Variants in SLC23A2 observed in about 807,000 individuals in gnomAD.
SLC23A2 encodes the protein solute carrier family 23 member 2.
In SLC23A2, 36 loss-of-function variants were observed where a neutral mutation model predicts 73.3. The ratio of observed to expected loss-of-function variants is 0.49; its 90% CI spans 0.38 to 0.65. The LOEUF (loss-of-function observed/expected upper bound fraction) is 0.65, where lower values mean the gene tolerates loss of function less well. Among genes scored for constraint, SLC23A2 ranks in the 30% least tolerant of loss-of-function variants. The pLI is 0.00. For synonymous variants in SLC23A2, 343 were observed against 327.3 expected (o/e 1.05, Z -0.52); for missense variants, 507 against 841.6 (o/e 0.60, Z 4.92).
chr20:4,897,277 C>G (rs887367645), intron 6 of SLC23A2, among the ~76,000 whole-genome samples: 1 of 152,218 alleles, frequency 6.6e-6, no homozygotes. Flanking sequence ...CCCCAGCACA[C>G]CTGCACCTGC....
chr20:4,987,445 C>T (rs2087848456), intron 1 of SLC23A2, among the ~76,000 whole-genome samples: 1 of 152,116 alleles, frequency 6.6e-6, no homozygotes, highest in East Asian at 1.9e-4. Flanking sequence ...ATCTTCAAAT[C>T]AGCAGGGAAA....
intron 12 of SLC23A2, 104 bp downstream of exon 12, chr20:4,869,802 G>A (rs1930366416): frequency 9.8e-7 from 1 of 1,019,078 alleles, no homozygotes; most frequent in Non-Finnish European, 1.5e-6. Context: ...GCTTGGCTGG[G>A]CTCCTGCTGA....
chr20:4,964,899 GAAAAA>G (rs11087663), intron 2 of SLC23A2, among the ~76,000 whole-genome samples: 1 of 137,672 alleles, frequency 7.3e-6, no homozygotes, highest in Non-Finnish European at 1.6e-5. Flanking sequence ...GGGAAAAGAA[GAAAAA>G]AAAAAAGAAA....
In SLC23A2 at chr20:4,920,400, T is replaced by C. The variant is rs116369286; in HGVS notation, c.109-7422A>G. Among the ~76,000 whole-genome samples, 1,507 of 152,254 alleles carry C rather than the reference T, an allele frequency of 9.9e-3. 16 individuals are homozygous for C. Among genetic ancestry groups the C allele is most frequent in the African/African-American group, 0.035 (1,436 of 41,538 alleles). ...CCTCAACAGAGGGCAATTTGGTGAG[T>C]AGCCCCCTCAGCTTACCAAGGCACA... On this transcript the variant is annotated intron_variant, in intron 3 of 16. Transcript: ENST00000338244.
chr20:4,872,004 T>A lies in SLC23A2; in HGVS notation c.1102+1932A>T, dbSNP rs1213658614. On this transcript the variant is annotated intron_variant, in intron 11 of 16. Coordinates refer to ENST00000338244, the MANE Select transcript of SLC23A2 (RefSeq NM_005116.6). The surrounding 1 kb of genome is among the most constrained non-coding windows in gnomAD (Gnocchi z 4.4). ...TATATCTATATATCTATATCTATAT[T>A]TTTTTTTCTTAAAGACCTTGTTGGC... 1.3e-5 allele frequency among the ~76,000 whole-genome samples: 2 copies of A among 152,026 alleles called. No homozygotes were observed. Among genetic ancestry groups the A allele is most frequent in the Non-Finnish European group, 2.9e-5 (2 of 67,982 alleles).
intron 3 of SLC23A2, among the ~76,000 whole-genome samples, chr20:4,922,427 A>G (rs2122918473): frequency 6.6e-6 from 1 of 152,300 alleles, no homozygotes; most frequent in Non-Finnish European, 1.5e-5. Context: ...CTTGTCAACT[A>G]CTTCTGATGC....
chr20:4,868,085 T>A lies in SLC23A2; in HGVS notation c.1251-210A>T, dbSNP rs533355512. On this transcript the variant is annotated intron_variant, in intron 12 of 16. Transcript: ENST00000338244. The surrounding 1 kb of genome is among the most constrained non-coding windows in gnomAD (Gnocchi z 4.4). ...AAAAGAATCTGCATTTTTTTTTTTT[T>A]TTTTTTTTTTTTTAGAGAGTGTCTC... Among the ~76,000 whole-genome samples, 6 of 148,386 alleles carry A rather than the reference T, an allele frequency of 4.0e-5. No individual in the cohort carries two copies. In the East Asian group the frequency reaches 1.2e-3, roughly 29 times the overall value.
chr20:4,983,401 C>T (rs1429475671), intron 1 of SLC23A2, among the ~76,000 whole-genome samples: 1 of 152,122 alleles, frequency 6.6e-6, no homozygotes, highest in Admixed American at 6.5e-5. Context: ...AATCCCAGCA[C>T]TTCGGGAGGC....
chr20:4,932,737 C>CA lies in SLC23A2; in HGVS notation c.-154-22dup, dbSNP rs1419951506. 4.0e-5 allele frequency: 23 copies of CA among 578,446 alleles called. No homozygotes were observed. In the Admixed American group the frequency reaches 5.3e-4, roughly 13 times the overall value. The allele number at this position is 578,446 out of a possible 1,614,324, so 35.8% of individuals were successfully genotyped here. ...AGCACCTAGAAAAGAAGAGCACAGC[C>CA]AAATCACCCCAAAGCATGAAAACAA... On this transcript the variant is annotated intron_variant, in intron 2 of 16. Transcript: ENST00000338244.
At chr20:4,885,595 G>C (rs1886359310) in intron 7 of SLC23A2, among the ~76,000 whole-genome samples, 1 of 152,148 alleles carries the variant, frequency 6.6e-6, no homozygotes, top group South Asian at 2.1e-4. Context: ...GAGAAATGAG[G>C]TCAATTCTGA....
At chr20:4,956,321 C>A (rs2087287116) in intron 2 of SLC23A2, among the ~76,000 whole-genome samples, 1 of 152,156 alleles carries the variant, frequency 6.6e-6, no homozygotes, top group East Asian at 1.9e-4. Flanking sequence ...ATCAGCTAGA[C>A]AAAACCTACT....
rs1930435677 is a variant in SLC23A2 at position 4,871,254 on chromosome 20, C to T, written c.1103-1201G>A. Among the ~76,000 whole-genome samples the T allele has an allele frequency of 3.3e-5, 5 of 152,032 alleles. No individual in the cohort carries two copies. The South Asian group carries it at 6.2e-4, about 19-fold the overall frequency. ...GGGACACAGGACACTCCAAAAGATC[C>T]AGGGAGAGGGAAATTGCTCAACTTC... On this transcript the variant is annotated intron_variant, in intron 11 of 16. Transcript: ENST00000338244.
intron 2 of SLC23A2, among the ~76,000 whole-genome samples, chr20:4,960,292 C>T (rs911212289): frequency 1.3e-5 from 2 of 152,196 alleles, no homozygotes; most frequent in South Asian, 4.1e-4. Context: ...AACAGGAATT[C>T]CTGTATCTTG....
intron 2 of SLC23A2, among the ~76,000 whole-genome samples, chr20:4,933,747 G>A (rs1932814714): frequency 1.3e-5 from 2 of 152,150 alleles, no homozygotes; most frequent in South Asian, 4.1e-4. Context: ...ATGCAAACAG[G>A]TAAGGGTGGG....
At chr20:4,974,142 C>T (rs2087607794) in intron 1 of SLC23A2, among the ~76,000 whole-genome samples, 1 of 152,036 alleles carries the variant, frequency 6.6e-6, no homozygotes, top group Admixed American at 6.6e-5. Context: ...CAGTAGATGC[C>T]AAAAAGGCTG....
At chr20:5,002,023 G>A (rs994135765), upstream of SLC23A2, among the ~76,000 whole-genome samples, 4 of 152,146 alleles carry the variant, frequency 2.6e-5, no homozygotes, top group African/African-American at 9.7e-5. Context: ...TACAGACCAA[G>A]GCTTTTCAGA....
chr20:4,895,683 G>A (rs1174782829), intron 6 of SLC23A2, among the ~76,000 whole-genome samples: 2 of 152,156 alleles, frequency 1.3e-5, no homozygotes, highest in Non-Finnish European at 2.9e-5. Flanking sequence ...TCTATCCTCA[G>A]AAATGTAGGT....
intron 1 of SLC23A2, among the ~76,000 whole-genome samples, chr20:4,985,223 G>C (rs922835942): frequency 6.6e-6 from 1 of 150,450 alleles, no homozygotes; most frequent in Non-Finnish European, 1.5e-5. Flanking sequence ...AAAGTAAAAA[G>C]ATGATCACAC....
chr20:4,960,262 T>C (rs2087359805), intron 2 of SLC23A2, among the ~76,000 whole-genome samples: 1 of 152,224 alleles, frequency 6.6e-6, no homozygotes, highest in Non-Finnish European at 1.5e-5. Flanking sequence ...TAATATGAAG[T>C]ATTGGCAAGA....
Sources: gnomAD v4.1 joint callset for allele counts (sites outside exome capture counted in the v4.1 genomes callset) on GRCh38, gnomAD v4.1.1 for gene constraint, Gnocchi (gnomAD v3.1) non-coding constraint, MANE v1.5 for transcripts, NCBI Gene and HGNC (gene_info 2026-07-23, HGNC 2026-07-21) for gene names.